KCNJ6: variants seen among roughly 807,000 people sequenced by gnomAD.
KCNJ6 encodes potassium inwardly rectifying channel subfamily J member 6, also known as G protein-activated inward rectifier potassium channel 2.
Under a neutral mutation model 34.2 loss-of-function variants are expected in KCNJ6, and 9 were observed. The observed-to-expected ratio is 0.26, with a 90% CI of 0.16 to 0.46. The LOEUF is 0.46. Ranked by LOEUF, KCNJ6 falls within the 20% of genes least tolerant of loss-of-function variation. The pLI, the probability that KCNJ6 is intolerant of heterozygous loss-of-function variation, is 1.00. For missense variants in KCNJ6, 236 were observed against 531.3 expected (o/e 0.44, Z 5.46); for synonymous variants, 196 against 207.1 (o/e 0.95, Z 0.46).
At chr21:37,862,729 T>C (rs1431208928) in intron 1 of KCNJ6, among the ~76,000 whole-genome samples, 1 of 152,226 alleles carries the variant, frequency 6.6e-6, no homozygotes, top group Non-Finnish European at 1.5e-5. Context: ...TTGAACACAT[T>C]CTGGCAGTTT....
chr21:37,834,682 T>C (rs955676150), intron 2 of KCNJ6, among the ~76,000 whole-genome samples: 6 of 152,246 alleles, frequency 3.9e-5, no homozygotes, highest in African/African-American at 1.4e-4. Context: ...GTGATTGTAA[T>C]TGGTTCTCTG....
intron 3 of KCNJ6, among the ~76,000 whole-genome samples, chr21:37,711,462 AG>A (rs556887181): frequency 1.3e-4 from 20 of 152,342 alleles, no homozygotes; most frequent in African/African-American, 4.8e-4. Flanking sequence ...TGATGAGCGC[AG>A]GGGAAGCTGT....
intron 2 of KCNJ6, among the ~76,000 whole-genome samples, chr21:37,733,780 G>C (rs1396153777): frequency 6.6e-6 from 1 of 152,194 alleles, no homozygotes; most frequent in African/African-American, 2.4e-5. Context: ...ATGTCTCCCT[G>C]TATGGTCACA....
intron 2 of KCNJ6, among the ~76,000 whole-genome samples, chr21:37,724,818 CTGAT>C (rs1424742965): frequency 3.9e-5 from 6 of 152,064 alleles, no homozygotes; most frequent in African/African-American, 1.4e-4. Flanking sequence ...TGTGGGACAA[CTGAT>C]TGCCCTCCTG....
intron 2 of KCNJ6, among the ~76,000 whole-genome samples, chr21:37,747,734 C>A (rs182333440): frequency 6.6e-6 from 1 of 152,052 alleles, no homozygotes; most frequent in African/African-American, 2.4e-5. Flanking sequence ...GGATTGTGGG[C>A]GGCCTCTGGA....
intron 2 of KCNJ6, among the ~76,000 whole-genome samples, chr21:37,729,320 ATTC>A (rs1293776958): frequency 1.6e-5 from 2 of 124,060 alleles, no homozygotes; most frequent in East Asian, 2.4e-4. Context: ...CAATACCCTG[ATTC>A]TTCTTCTTTT....
intron 2 of KCNJ6, among the ~76,000 whole-genome samples, chr21:37,821,180 T>G (rs2055371310): frequency 6.6e-6 from 1 of 152,172 alleles, no homozygotes; most frequent in Admixed American, 6.5e-5. Flanking sequence ...TAATAGCACA[T>G]AATATGGAAA....
At chr21:37,719,568 C>G (rs904749482) in intron 2 of KCNJ6, 1 of 152,146 alleles carries the variant, frequency 6.6e-6, no homozygotes, top group Admixed American at 6.5e-5. Context: ...CAAAGAATGG[C>G]GCTGAGAACT....
chr21:37,720,361 T>C (rs2054818623), intron 2 of KCNJ6, among the ~76,000 whole-genome samples: 1 of 152,134 alleles, frequency 6.6e-6, no homozygotes, highest in Non-Finnish European at 1.5e-5. Flanking sequence ...AAGAAAATCG[T>C]AACTAAACCC....
intron 2 of KCNJ6, among the ~76,000 whole-genome samples, chr21:37,816,814 C>T (rs1280207542): frequency 6.6e-6 from 1 of 152,166 alleles, no homozygotes; most frequent in Non-Finnish European, 1.5e-5. Flanking sequence ...TGGGCCTTCC[C>T]ATCCTGCTTC....
At chr21:37,894,303 A>AT (rs1338515235) in intron 1 of KCNJ6, among the ~76,000 whole-genome samples, 2 of 152,240 alleles carry the variant, frequency 1.3e-5, no homozygotes, top group Non-Finnish European at 2.9e-5. Context: ...CAGGATCTGC[A>AT]TTTTAACAAG....
At chr21:37,896,535 A>G (rs1001456721) in intron 1 of KCNJ6, among the ~76,000 whole-genome samples, 5 of 152,144 alleles carry the variant, frequency 3.3e-5, no homozygotes, top group African/African-American at 1.2e-4. Context: ...ACGGGCACGG[A>G]ACATGCATTT....
At chr21:37,761,929 C>A (rs976337372) in intron 2 of KCNJ6, among the ~76,000 whole-genome samples, 1 of 152,084 alleles carries the variant, frequency 6.6e-6, no homozygotes, top group African/African-American at 2.4e-5. Flanking sequence ...TGCCCCAGAC[C>A]CTGATAAGGT....
chr21:37,819,440 T>G (rs1390883473), intron 2 of KCNJ6, among the ~76,000 whole-genome samples: 1 of 152,176 alleles, frequency 6.6e-6, no homozygotes, highest in African/African-American at 2.4e-5. Flanking sequence ...GGAATACAAT[T>G]TGAGAATGCT....
chr21:37,855,151 G>A (rs956140382), intron 1 of KCNJ6, among the ~76,000 whole-genome samples: 3 of 152,162 alleles, frequency 2.0e-5, no homozygotes, highest in Admixed American at 6.5e-5. Flanking sequence ...CAATGGAATC[G>A]AACTTTTAAA....
chr21:37,855,764 G>C (rs770206729), intron 1 of KCNJ6, among the ~76,000 whole-genome samples: 6 of 152,166 alleles, frequency 3.9e-5, no homozygotes, highest in Non-Finnish European at 8.8e-5. Context: ...CAACCGTGAT[G>C]AATATTTTTC....
intron 2 of KCNJ6, among the ~76,000 whole-genome samples, chr21:37,761,689 GTGTGT>G (rs2055065442): frequency 6.6e-6 from 1 of 151,230 alleles, no homozygotes; most frequent in Non-Finnish European, 1.5e-5. Flanking sequence ...ATATTTGCGT[GTGTGT>G]TGTATGTAGT....
At chr21:37,712,035 A>G (rs2054755707) in intron 3 of KCNJ6, among the ~76,000 whole-genome samples, 1 of 152,196 alleles carries the variant, frequency 6.6e-6, no homozygotes, top group African/African-American at 2.4e-5. Context: ...GTCATCAGAA[A>G]GCCAGGGCCT....
intron 3 of KCNJ6, among the ~76,000 whole-genome samples, chr21:37,693,173 C>T (rs767382691): frequency 1.4e-4 from 22 of 152,140 alleles, no homozygotes; most frequent in Non-Finnish European, 2.4e-4. Flanking sequence ...CTTAATTTTT[C>T]GAGATAGATG....
Sources: gnomAD v4.1 joint callset for allele counts (sites outside exome capture counted in the v4.1 genomes callset) on GRCh38, gnomAD v4.1.1 for gene constraint, MANE v1.5 for transcripts, NCBI Gene and HGNC (gene_info 2026-07-23, HGNC 2026-07-21) for gene names.